Variants in DSCAM observed in about 807,000 individuals in gnomAD.
DSCAM encodes cell adhesion molecule DSCAM.
DSCAM carries 47 observed loss-of-function variants against 217.7 expected under a neutral mutation model. The ratio of observed to expected loss-of-function variants is 0.22; its 90% CI spans 0.17 to 0.28. The LOEUF is 0.28. Among genes scored for constraint, DSCAM ranks in the 10% least tolerant of loss-of-function variants. DSCAM has a pLI of 1.00. For missense variants in DSCAM, 2,080 were observed against 2,618.3 expected, an observed-to-expected ratio of 0.79 and a Z score of 4.49; for synonymous variants, 1,056 against 1,015.3, an observed-to-expected ratio of 1.04 and a Z score of -0.76.
At chr21:40,534,280 T>C (rs2076477747) in intron 3 of DSCAM, among the ~76,000 whole-genome samples, 1 of 152,246 alleles carries the variant, frequency 6.6e-6, no homozygotes, top group Non-Finnish European at 1.5e-5. Context: ...GGAATTTCTC[T>C]AGGAGTAAAG....
At chr21:40,568,966 G>A (rs1383254913) in intron 3 of DSCAM, among the ~76,000 whole-genome samples, 6 of 152,188 alleles carry the variant, frequency 3.9e-5, no homozygotes, top group Non-Finnish European at 7.3e-5. Context: ...GCAGCTGGCT[G>A]TCCCAGACAA....
chr21:40,274,458 T>C (rs2073660479), intron 11 of DSCAM, among the ~76,000 whole-genome samples: 1 of 152,142 alleles, frequency 6.6e-6, no homozygotes, highest in Admixed American at 6.5e-5. Flanking sequence ...CTTCATAGGG[T>C]CTTATATATA....
intron 1 of DSCAM, among the ~76,000 whole-genome samples, chr21:40,803,692 T>G (rs1406284598): frequency 1.3e-5 from 2 of 152,152 alleles, no homozygotes; most frequent in Non-Finnish European, 2.9e-5. Context: ...TAGAATATAC[T>G]GGCATTTATG....
At chr21:40,551,377 G>A (rs1305385261) in intron 3 of DSCAM, among the ~76,000 whole-genome samples, 1 of 152,166 alleles carries the variant, frequency 6.6e-6, no homozygotes, top group Admixed American at 6.5e-5. Context: ...CTAAAGACCT[G>A]GAATCAGTAG....
intron 32 of DSCAM, among the ~76,000 whole-genome samples, chr21:40,039,798 T>TAACTA (rs1555868351): frequency 6.6e-6 from 1 of 152,092 alleles, no homozygotes; most frequent in African/African-American, 2.4e-5. Flanking sequence ...CTGGGGATCA[T>TAACTA]AACTATTTGT....
chr21:40,597,802 G>T (rs919268573), intron 3 of DSCAM, among the ~76,000 whole-genome samples: 1 of 152,088 alleles, frequency 6.6e-6, no homozygotes, highest in Non-Finnish European at 1.5e-5. Flanking sequence ...GTGAGCCACA[G>T]TGCCCGGCCT....
At position 40,774,978 on chromosome 21, in the gene DSCAM, A is replaced by T. The variant is rs1391003683; in HGVS notation, c.44-66207T>A. Among the ~76,000 whole-genome samples the T allele has an allele frequency of 8.4e-5, 4 of 47,702 alleles. No individual in the cohort carries two copies. In the Admixed American group the frequency reaches 9.1e-4, roughly 11 times the overall value. The allele number at this position is 47,702 out of a possible 152,430, so 31.3% of individuals were successfully genotyped here. A position where few individuals can be genotyped will look rare whatever the true frequency, so the allele number is the denominator to read the frequency against. On this transcript the variant is annotated intron_variant, in intron 1 of 32. Transcript: ENST00000400454. ...AAAATTATTATGTAATAATTATATA[A>T]CATATAATTATAATTTTTACAAAAT...
At chr21:40,367,722 C>T (rs1020399476) in intron 4 of DSCAM, among the ~76,000 whole-genome samples, 1 of 152,164 alleles carries the variant, frequency 6.6e-6, no homozygotes, top group Non-Finnish European at 1.5e-5. Context: ...TCTATCACCT[C>T]CCTGTCTTCA....
intron 26 of DSCAM, among the ~76,000 whole-genome samples, chr21:40,078,207 A>G (rs2146553248): frequency 6.6e-6 from 1 of 152,272 alleles, no homozygotes; most frequent in Admixed American, 6.5e-5. Flanking sequence ...TCCTATTTCC[A>G]TCAGTGGCCC....
intron 3 of DSCAM, among the ~76,000 whole-genome samples, chr21:40,471,300 A>G (rs2075886216): frequency 6.6e-6 from 1 of 152,180 alleles, no homozygotes; most frequent in African/African-American, 2.4e-5. Flanking sequence ...GGAAGGAAGC[A>G]GGGGGAAGTG....
At chr21:40,407,762 G>A (rs2075290967) in intron 3 of DSCAM, among the ~76,000 whole-genome samples, 1 of 152,236 alleles carries the variant, frequency 6.6e-6, no homozygotes, top group Non-Finnish European at 1.5e-5. Flanking sequence ...CCAGGTGACA[G>A]CATGTGAAGC....
intron 11 of DSCAM, among the ~76,000 whole-genome samples, chr21:40,247,765 C>A (rs1303216206): frequency 1.3e-5 from 2 of 152,254 alleles, no homozygotes; most frequent in African/African-American, 2.4e-5. Flanking sequence ...CCTCTTCTCA[C>A]AGTTCCACTA....
chr21:40,376,730 T>TCTTATATA (rs1268395907), intron 3 of DSCAM, among the ~76,000 whole-genome samples: 1 of 147,654 alleles, frequency 6.8e-6, no homozygotes, highest in South Asian at 2.1e-4. Flanking sequence ...ATCATATATA[T>TCTTATATA]GATATATATA....
intron 19 of DSCAM, among the ~76,000 whole-genome samples, chr21:40,124,721 A>G (rs955421024): frequency 4.6e-5 from 7 of 152,118 alleles, no homozygotes; most frequent in Non-Finnish European, 8.8e-5. Flanking sequence ...TGCTTGTCTC[A>G]AAGCTCTTAA....
rs371104274 is a variant in DSCAM, at chr21:40,429,572, T to C, written c.509-60327A>G. Among the ~76,000 whole-genome samples, 23 of 152,274 alleles carry C rather than the reference T, an allele frequency of 1.5e-4. No homozygotes were observed. In the South Asian group the frequency reaches 2.7e-3, roughly 18 times the overall value. ...CATGAGCCACCAAGCCCAGCCTGCA[T>C]CAAGTTTTAAAGTGTGAACTGTGGA... On this transcript the variant is annotated intron_variant, in intron 3 of 32. Transcript: ENST00000400454.
Position 40,080,319 on chromosome 21 carries a change from T to C in DSCAM, c.4253A>G (p.Glu1418Gly). Residue 1418 changes from glutamate (E) to glycine (G), a missense_variant, in exon 25 of 33, where the codon GAG becomes GGG. Physicochemically the swap from Glu to Gly is moderately conservative, Grantham distance 98 (BLOSUM62 -2). Around this residue, in one of 5 missense-constraint regions of DSCAM, gnomAD observed 1,144 missense variants for 1,421.1 expected, o/e 0.81. Transcript: ENST00000400454. ...ACTCCCCCACTGCTCACTATTGTCC[T>C]CGGAGTACTGCAGTATGTATCCTGC... is the stretch of plus-strand genomic sequence containing the variant. ...SIRGYILQYS[E>G]DNSEQWGSFP... 1 of 1,612,016 alleles carries C rather than the reference T, an allele frequency of 6.2e-7. No homozygotes were observed. The highest frequency in any genetic ancestry group is 2.2e-5 in the East Asian group (1 of 44,720).
At chr21:40,060,729 A>AT (rs1260693575) in intron 28 of DSCAM, among the ~76,000 whole-genome samples, 1 of 152,222 alleles carries the variant, frequency 6.6e-6, no homozygotes, top group Non-Finnish European at 1.5e-5. Context: ...AAATCTCCTC[A>AT]TTTTAAATGT....
chr21:40,015,417 C>CTTTT (rs5843993), intron 32 of DSCAM, among the ~76,000 whole-genome samples: 20 of 145,544 alleles, frequency 1.4e-4, no homozygotes, highest in African/African-American at 2.8e-4. Flanking sequence ...TCTCTTGACT[C>CTTTT]TTTTTTTTTT....
rs2091715957 is a variant in DSCAM, at chr21:40,799,020, T to C, written c.43+47599A>G. ...ATTAAGCTACTGACTTTTGGAAAAA[T>C]GTTATTACCCTATAAAGACATTTTT... is the stretch of plus-strand genomic sequence containing the variant. On this transcript the variant is annotated intron_variant, in intron 1 of 32. Coordinates refer to ENST00000400454, the MANE Select transcript of DSCAM (RefSeq NM_001389.5). Among the ~76,000 whole-genome samples, 9 of 152,198 alleles carry C rather than the reference T, an allele frequency of 5.9e-5. 1 individual carries two copies. The South Asian group carries it at 1.9e-3, about 32-fold the overall frequency.
Sources: gnomAD v4.1 joint callset for allele counts (sites outside exome capture counted in the v4.1 genomes callset) on GRCh38, gnomAD v4.1.1 for gene constraint, gnomAD v4.1.1 regional missense constraint, MANE v1.5 for transcripts, NCBI Gene and HGNC (gene_info 2026-07-23, HGNC 2026-07-21) for gene names.